RSPO2: variants seen among roughly 807,000 people sequenced by gnomAD.
RSPO2 encodes R-spondin 2.
RSPO2 carries 14 observed loss-of-function variants against 30.9 expected under a neutral mutation model. That is an observed-to-expected ratio of 0.45 (90% CI 0.30 to 0.71). RSPO2 has a LOEUF of 0.71. RSPO2 is among the 30% of genes least tolerant of loss of function. RSPO2 has a pLI of 0.08. For synonymous variants in RSPO2, 107 were observed against 96.4 expected (o/e 1.11, Z -0.64); for missense variants, 264 against 301.9 (o/e 0.87, Z 0.93).
In RSPO2 at chr8:107,955,622, G is replaced by A. The variant is rs923994511; in HGVS notation, c.616+2458C>T. Among the ~76,000 whole-genome samples the A allele has an allele frequency of 3.0e-5, 4 of 132,852 alleles. No homozygotes were observed. The East Asian group carries it at 9.7e-4, about 32-fold the overall frequency. 87.2% of individuals were successfully genotyped at this position (132,852 alleles called of 152,430 possible). On this transcript the variant is annotated intron_variant, in intron 5 of 5. Coordinates refer to ENST00000276659, the MANE Select transcript of RSPO2 (RefSeq NM_178565.5). ...AACAGTTAAGGAAAAACTAGGCTAA[G>A]CATTACACTGTTTTTTAAAAAAAAC...
In RSPO2 at chr8:107,983,112, G is replaced by T. The variant is rs1046205512; in HGVS notation, c.283+5944C>A. On this transcript the variant is annotated intron_variant, in intron 3 of 5. Coordinates refer to ENST00000276659, the MANE Select transcript of RSPO2 (RefSeq NM_178565.5). Reference sequence around the variant, plus strand: ...TTCCTAAGGCCGCCGCTTACCCCAGGGTCTATGGAAGTAATGAAGGACCCC... The same window carrying T: ...TTCCTAAGGCCGCCGCTTACCCCAGTGTCTATGGAAGTAATGAAGGACCCC... The T allele has an allele frequency of 9.1e-6, 13 of 1,425,006 alleles. No individual in the cohort carries two copies. The Admixed American group carries it at 2.8e-4, about 31-fold the overall frequency. The allele number at this position is 1,425,006 out of a possible 1,614,324, so 88.3% of individuals were successfully genotyped here.
At position 108,083,518 on chromosome 8, in the gene RSPO2, T is replaced by A. The variant is rs1813283269; in HGVS notation, c.-491A>T. Reference sequence around the variant, plus strand: ...GCTTTCTCCACGGTCACTTCACAGCTAAGATTTCTTTCTTTCCGAGCTGTA... The same window carrying A: ...GCTTTCTCCACGGTCACTTCACAGCAAAGATTTCTTTCTTTCCGAGCTGTA... On this transcript the variant is annotated 5_prime_UTR_variant, in exon 1 of 6. Transcript: ENST00000276659. The A allele has an allele frequency of 6.6e-6, 1 of 152,278 alleles. No homozygotes were observed. The highest frequency in any genetic ancestry group is 2.4e-5 in the African/African-American group (1 of 41,450). 9.4% of individuals were successfully genotyped at this position (152,278 alleles called of 1,614,324 possible).
At chr8:108,011,182 G>A (rs965883361) in intron 2 of RSPO2, among the ~76,000 whole-genome samples, 26 of 147,134 alleles carry the variant, frequency 1.8e-4, no homozygotes, top group African/African-American at 3.3e-4. Context: ...AAAGAAAAAG[G>A]AAAAGGAAAG....
At chr8:107,920,860 A>G (rs1355142629) in intron 5 of RSPO2, among the ~76,000 whole-genome samples, 1 of 152,138 alleles carries the variant, frequency 6.6e-6, no homozygotes, top group Non-Finnish European at 1.5e-5. Flanking sequence ...AAGAAGTTAA[A>G]ACGTAAAGTA....
chr8:108,018,402 A>T (rs895253274), intron 2 of RSPO2, among the ~76,000 whole-genome samples: 1 of 152,222 alleles, frequency 6.6e-6, no homozygotes, highest in African/African-American at 2.4e-5. Context: ...TCCTTAGGTC[A>T]ACACAGGAGA....
chr8:107,931,296 C>T (rs1812547334), intron 5 of RSPO2, among the ~76,000 whole-genome samples: 1 of 152,004 alleles, frequency 6.6e-6, no homozygotes, highest in African/African-American at 2.4e-5. Flanking sequence ...CCGTATCCTC[C>T]AAATCATATC....
chr8:107,903,708 C>A (rs1811548805), intron 5 of RSPO2, among the ~76,000 whole-genome samples: 1 of 152,044 alleles, frequency 6.6e-6, no homozygotes, highest in Admixed American at 6.6e-5. Flanking sequence ...TTTGGGGGCC[C>A]TAATTACAAC....
intron 5 of RSPO2, among the ~76,000 whole-genome samples, chr8:107,951,394 A>C (rs574894234): frequency 6.6e-6 from 1 of 152,136 alleles, no homozygotes; most frequent in African/African-American, 2.4e-5. Context: ...ATTTATACTT[A>C]AGACATTCCT....
intron 2 of RSPO2, among the ~76,000 whole-genome samples, chr8:108,062,300 A>G (rs542960573): frequency 4.6e-4 from 70 of 152,022 alleles, no homozygotes; most frequent in African/African-American, 1.6e-3. Context: ...CAAGACTAAC[A>G]AAGAAGAAAA....
intron 5 of RSPO2, among the ~76,000 whole-genome samples, chr8:107,912,138 C>T (rs542186250): frequency 4.2e-4 from 64 of 152,188 alleles, no homozygotes; most frequent in Admixed American, 7.9e-4. Flanking sequence ...ATACAGGATG[C>T]TTATTTTTCA....
chr8:107,965,168 T>TAG (rs1307721212), intron 3 of RSPO2, among the ~76,000 whole-genome samples: 1 of 152,186 alleles, frequency 6.6e-6, no homozygotes, highest in Admixed American at 6.5e-5. Context: ...TAAAAGACCC[T>TAG]AGTTCAGCCA....
chr8:107,951,817 C>T (rs1267377680), intron 5 of RSPO2, among the ~76,000 whole-genome samples: 1 of 152,126 alleles, frequency 6.6e-6, no homozygotes, highest in Non-Finnish European at 1.5e-5. Context: ...TGTCCACCCC[C>T]TCATCCTCCA....
At chr8:108,019,109 T>A (rs1810981309) in intron 2 of RSPO2, among the ~76,000 whole-genome samples, 2 of 152,194 alleles carry the variant, frequency 1.3e-5, no homozygotes, top group Non-Finnish European at 2.9e-5. Flanking sequence ...TGAATTCTAC[T>A]CAAAACTCTG....
At chr8:107,948,677 G>T (rs576073548) in intron 5 of RSPO2, among the ~76,000 whole-genome samples, 45 of 152,104 alleles carry the variant, frequency 3.0e-4, no homozygotes, top group African/African-American at 1.0e-3. Context: ...GGCTAACACG[G>T]TGAAACCCTA....
intron 5 of RSPO2, among the ~76,000 whole-genome samples, chr8:107,925,954 G>A (rs544133408): frequency 6.6e-6 from 1 of 152,194 alleles, no homozygotes; most frequent in South Asian, 2.1e-4. Context: ...AGTATTTCTA[G>A]TTCTAGATCC....
At chr8:107,993,280 A>G (rs1211200580) in intron 2 of RSPO2, among the ~76,000 whole-genome samples, 1 of 152,206 alleles carries the variant, frequency 6.6e-6, no homozygotes, top group Non-Finnish European at 1.5e-5. Flanking sequence ...GACAGCTACA[A>G]AAGATGTAAT....
chr8:108,073,414 A>C (rs1812916844), intron 2 of RSPO2, among the ~76,000 whole-genome samples: 1 of 152,194 alleles, frequency 6.6e-6, no homozygotes, highest in Non-Finnish European at 1.5e-5. Flanking sequence ...GGAGGGACTA[A>C]GGCCTTCATG....
intron 2 of RSPO2, among the ~76,000 whole-genome samples, chr8:108,008,898 T>G (rs958392097): frequency 2.0e-5 from 3 of 152,084 alleles, no homozygotes; most frequent in Admixed American, 1.3e-4. Flanking sequence ...TGGTAAATTT[T>G]TTTTGTATAA....
At chr8:108,043,000 G>A (rs990656139) in intron 2 of RSPO2, among the ~76,000 whole-genome samples, 4 of 151,956 alleles carry the variant, frequency 2.6e-5, no homozygotes, top group African/African-American at 9.7e-5. Flanking sequence ...TAAAGGACAC[G>A]GCTAAAACAT....
Sources: allele counts gnomAD v4.1 joint callset (sites outside exome capture counted in the v4.1 genomes callset), GRCh38; gene constraint gnomAD v4.1.1; transcripts MANE v1.5; gene names NCBI Gene and HGNC (gene_info 2026-07-23, HGNC 2026-07-21).